KCNK9: variants seen among roughly 807,000 people sequenced by gnomAD.
KCNK9 encodes the protein potassium two pore domain channel subfamily K member 9, also known as potassium channel subfamily K member 9.
A neutral mutation model predicts 10.8 loss-of-function variants in KCNK9; 1 was observed. That is an observed-to-expected ratio of 0.09 (90% CI 0.03 to 0.44). KCNK9 has a LOEUF of 0.44. Ranked by LOEUF, KCNK9 falls within the 20% of genes least tolerant of loss-of-function variation. KCNK9 has a pLI of 0.97. For missense variants in KCNK9, 303 were observed against 515.0 expected, an observed-to-expected ratio of 0.59 and a Z score of 3.98; for synonymous variants, 231 against 222.7, an observed-to-expected ratio of 1.04 and a Z score of -0.33.
intron 1 of KCNK9, among the ~76,000 whole-genome samples, chr8:139,639,594 C>T (rs2129642438): frequency 6.6e-6 from 1 of 152,298 alleles, no homozygotes; most frequent in Non-Finnish European, 1.5e-5. Context: ...CGCTGGGGGT[C>T]TGGAGTCTGG....
intron 1 of KCNK9, among the ~76,000 whole-genome samples, chr8:139,676,505 T>C (rs1232783294): frequency 2.0e-5 from 3 of 152,160 alleles, no homozygotes; most frequent in Admixed American, 6.5e-5. Context: ...ACCTGGAAAA[T>C]GAGAAGTTTG....
intron 1 of KCNK9, among the ~76,000 whole-genome samples, chr8:139,667,428 T>G (rs1563743165): frequency 6.6e-6 from 1 of 152,356 alleles, no homozygotes; most frequent in East Asian, 1.9e-4. Flanking sequence ...CCGGGCGCAG[T>G]GGCTCATGCT....
In KCNK9 at chr8:139,640,038, G is replaced by A. The variant is rs1056929639; in HGVS notation, c.284-20939C>T. ...ATCCACTTCCTGCCAAGCAGCCCTG[G>A]CGAGCCAATACCTGCTTCATACCAC... On this transcript the variant is annotated intron_variant, in intron 1 of 1. Transcript: ENST00000520439. Among the ~76,000 whole-genome samples, 70 of 152,056 alleles carry A rather than the reference G, an allele frequency of 4.6e-4. 1 individual carries two copies. Among genetic ancestry groups the A allele is most frequent in the Non-Finnish European group, 2.5e-4 (17 of 68,000 alleles).
At chr8:139,679,591 G>A (rs1184303371) in intron 1 of KCNK9, among the ~76,000 whole-genome samples, 3 of 152,230 alleles carry the variant, frequency 2.0e-5, no homozygotes, top group Admixed American at 6.5e-5. Context: ...AGCTTAGCAC[G>A]TGCCAGCATG....
chr8:139,637,565 C>T (rs1437609164), intron 1 of KCNK9, among the ~76,000 whole-genome samples: 3 of 152,108 alleles, frequency 2.0e-5, no homozygotes, highest in Non-Finnish European at 4.4e-5. Context: ...TCATCTAAAA[C>T]AGTCAAACTC....
intron 1 of KCNK9, among the ~76,000 whole-genome samples, chr8:139,658,966 G>A (rs981404186): frequency 6.6e-6 from 1 of 152,272 alleles, no homozygotes; most frequent in African/African-American, 2.4e-5. Flanking sequence ...AGTTGTGGAA[G>A]GGGCAGCCCA....
chr8:139,663,051 C>T (rs1252096759), intron 1 of KCNK9, among the ~76,000 whole-genome samples: 1 of 152,094 alleles, frequency 6.6e-6, no homozygotes, highest in East Asian at 1.9e-4. Flanking sequence ...GTTCTAAGCC[C>T]CTCAGAGTCC....
chr8:139,679,072 C>T (rs974028660), intron 1 of KCNK9, among the ~76,000 whole-genome samples: 3 of 152,132 alleles, frequency 2.0e-5, no homozygotes, highest in Admixed American at 6.5e-5. Flanking sequence ...GCATCAGAGG[C>T]AGGGTGGGCT....
chr8:139,682,120 C>T (rs1173499758), intron 1 of KCNK9, among the ~76,000 whole-genome samples: 3 of 152,206 alleles, frequency 2.0e-5, no homozygotes, highest in African/African-American at 7.2e-5. Context: ...ATGGGACCAC[C>T]CACCTCTTCT....
downstream of KCNK9, chr8:139,611,356 G>C (rs1814417748): frequency 6.6e-6 from 1 of 152,286 alleles, no homozygotes; most frequent in African/African-American, 2.4e-5. Flanking sequence ...GCAGAGGCTG[G>C]TCCTAGGCGT....
intron 1 of KCNK9, among the ~76,000 whole-genome samples, chr8:139,678,848 G>T (rs1816620366): frequency 6.6e-6 from 1 of 152,218 alleles, no homozygotes; most frequent in East Asian, 1.9e-4. Flanking sequence ...TCTCTCCCCA[G>T]GTTTTAAACG....
chr8:139,619,622 C>T (rs1387679358), intron 1 of KCNK9, among the ~76,000 whole-genome samples: 1 of 152,154 alleles, frequency 6.6e-6, no homozygotes, highest in Non-Finnish European at 1.5e-5. Flanking sequence ...CTCTTACATA[C>T]ATCACCTAAT....
At chr8:139,681,351 G>A (rs550484716) in intron 1 of KCNK9, among the ~76,000 whole-genome samples, 1 of 152,358 alleles carries the variant, frequency 6.6e-6, no homozygotes, top group South Asian at 2.1e-4. Flanking sequence ...GAGTGGCCGT[G>A]AAAGACACCG....
chr8:139,644,727 A>G (rs1181907192), intron 1 of KCNK9, among the ~76,000 whole-genome samples: 1 of 56,102 alleles, frequency 1.8e-5, no homozygotes, highest in Non-Finnish European at 4.4e-5. Flanking sequence ...CCCCCCCCCC[A>G]GAGCCTCCCA....
chr8:139,638,887 G>A (rs1563729073), intron 1 of KCNK9, among the ~76,000 whole-genome samples: 1 of 152,198 alleles, frequency 6.6e-6, no homozygotes, highest in Non-Finnish European at 1.5e-5. Context: ...CCTGGAGCGA[G>A]TCCACCAGCT....
chr8:139,638,480 C>G (rs965814698), intron 1 of KCNK9, among the ~76,000 whole-genome samples: 1 of 152,180 alleles, frequency 6.6e-6, no homozygotes, highest in African/African-American at 2.4e-5. Context: ...TTAGGCCATG[C>G]CTTCACTGTT....
intron 1 of KCNK9, among the ~76,000 whole-genome samples, chr8:139,663,303 C>T (rs1456873975): frequency 6.6e-6 from 1 of 152,086 alleles, no homozygotes; most frequent in East Asian, 1.9e-4. Flanking sequence ...AAAAGGAAGA[C>T]AGGTCAGCGC....
chr8:139,646,805 T>C (rs2129661379), intron 1 of KCNK9, among the ~76,000 whole-genome samples: 1 of 152,292 alleles, frequency 6.6e-6, no homozygotes, highest in Non-Finnish European at 1.5e-5. Flanking sequence ...ACAAATGGAT[T>C]CAAAATACCC....
intron 1 of KCNK9, among the ~76,000 whole-genome samples, chr8:139,622,380 C>T (rs1178069796): frequency 6.6e-6 from 1 of 152,168 alleles, no homozygotes; most frequent in Non-Finnish European, 1.5e-5. Context: ...CCCAGCCACA[C>T]CCTGCTCTCT....
Sources: allele counts gnomAD v4.1 joint callset (sites outside exome capture counted in the v4.1 genomes callset), GRCh38; gene constraint gnomAD v4.1.1; transcripts MANE v1.5; gene names NCBI Gene and HGNC (gene_info 2026-07-23, HGNC 2026-07-21).